GPHN: variants seen among roughly 807,000 people sequenced by gnomAD.
GPHN encodes gephyrin.
GPHN carries 17 observed loss-of-function variants against 95.5 expected under a neutral mutation model. That is an observed-to-expected ratio of 0.18 (90% confidence interval 0.12 to 0.27). The LOEUF is 0.27. GPHN is among the 10% of genes least tolerant of loss of function. The probability of loss-of-function intolerance (pLI) is 1.00; values close to 1 mark genes in which losing one functional copy is unlikely to be tolerated. For synonymous variants in GPHN, 320 were observed against 322.5 expected (o/e 0.99, Z 0.08); for missense variants, 660 against 978.1 (o/e 0.67, Z 4.34).
chr14:67,579,174 G>A, the GPHN span: 1 of 1,607,712 alleles, frequency 6.2e-7, no homozygotes, highest in Admixed American at 1.7e-5. Context: ...CCAGCGGGCA[G>A]TGGAGCGGAC....
chr14:67,344,483 C>T, the GPHN span, among the ~76,000 whole-genome samples: 17 of 152,120 alleles, frequency 1.1e-4, no homozygotes, highest in African/African-American at 3.9e-4. Flanking sequence ...TAGATATATA[C>T]TAACTGGCCA....
chr14:67,021,451 A>T (rs1375432349), intron 9 of GPHN, among the ~76,000 whole-genome samples: 2 of 152,096 alleles, frequency 1.3e-5, no homozygotes, highest in East Asian at 3.9e-4. Flanking sequence ...GTAGTTCTAA[A>T]CTGAGGTGCC....
chr14:67,587,388 T>G, the GPHN span: 1 of 816,654 alleles, frequency 1.2e-6, no homozygotes, highest in Non-Finnish European at 2.0e-6. Flanking sequence ...GCCTTTACTC[T>G]CTAGGTGCCT....
intron 1 of GPHN, among the ~76,000 whole-genome samples, chr14:66,663,040 TG>T (rs2065751472): frequency 6.6e-6 from 1 of 152,218 alleles, no homozygotes; most frequent in Non-Finnish European, 1.5e-5. Context: ...GGAACCAACT[TG>T]GAAAATATAT....
chr14:67,328,426 G>T, the GPHN span, among the ~76,000 whole-genome samples: 1 of 152,194 alleles, frequency 6.6e-6, no homozygotes, highest in Non-Finnish European at 1.5e-5. Flanking sequence ...CTCCCATTCT[G>T]TAGGTTGCCT....
the GPHN span, chr14:67,333,632 T>A: frequency 8.5e-5 from 13 of 152,758 alleles, no homozygotes; most frequent in Admixed American, 2.6e-4. Flanking sequence ...CTCAACACAC[T>A]CTAATCTACT....
chr14:66,814,480 A>C (rs1197472456), intron 3 of GPHN, among the ~76,000 whole-genome samples: 1 of 152,242 alleles, frequency 6.6e-6, no homozygotes, highest in African/African-American at 2.4e-5. Flanking sequence ...CAAAGAGGTC[A>C]AACTGGGGCC....
intron 1 of GPHN, among the ~76,000 whole-genome samples, chr14:66,553,514 C>G (rs1195995053): frequency 6.6e-6 from 1 of 151,934 alleles, no homozygotes; most frequent in Non-Finnish European, 1.5e-5. Context: ...TGGTCTTCAA[C>G]TTCACTTTTC....
At chr14:67,536,641 C>A in the GPHN span, among the ~76,000 whole-genome samples, 25 of 151,896 alleles carry the variant, frequency 1.6e-4, no homozygotes, top group African/African-American at 5.8e-4. Flanking sequence ...TAGGGAGCTA[C>A]CAGGATATTC....
At chr14:66,775,900 C>T (rs989844703) in intron 2 of GPHN, among the ~76,000 whole-genome samples, 9 of 152,114 alleles carry the variant, frequency 5.9e-5, no homozygotes, top group Non-Finnish European at 1.0e-4. Flanking sequence ...TGGGCACACA[C>T]GTCTCTCTGA....
At chr14:67,327,955 G>A in the GPHN span, among the ~76,000 whole-genome samples, 1 of 152,176 alleles carries the variant, frequency 6.6e-6, no homozygotes, top group Non-Finnish European at 1.5e-5. Context: ...GTGTGCATGT[G>A]TCTTTATAGC....
At chr14:66,793,986 G>A (rs895586627) in intron 3 of GPHN, among the ~76,000 whole-genome samples, 1 of 152,124 alleles carries the variant, frequency 6.6e-6, no homozygotes, top group Non-Finnish European at 1.5e-5. Context: ...GGCATACATT[G>A]TCAGACTGAA....
chr14:66,989,512 TTC>T (rs2071257411), intron 9 of GPHN, among the ~76,000 whole-genome samples: 1 of 152,020 alleles, frequency 6.6e-6, no homozygotes, highest in Non-Finnish European at 1.5e-5. Flanking sequence ...ATTATTTAAT[TTC>T]TTTTTTCAAC....
the GPHN span, among the ~76,000 whole-genome samples, chr14:67,213,921 G>A: frequency 6.6e-6 from 1 of 152,156 alleles, no homozygotes; most frequent in Non-Finnish European, 1.5e-5. Context: ...GCCAGTGATG[G>A]TGAGCATTTT....
At chr14:66,533,818 G>C (rs553749813) in intron 1 of GPHN, among the ~76,000 whole-genome samples, 102 of 152,270 alleles carry the variant, frequency 6.7e-4, no homozygotes, top group African/African-American at 2.3e-3. Flanking sequence ...CGCCTTAGGT[G>C]ACTATCTGGT....
intron 3 of GPHN, among the ~76,000 whole-genome samples, chr14:66,782,659 A>T (rs563437635): frequency 6.6e-6 from 1 of 152,200 alleles, no homozygotes; most frequent in East Asian, 1.9e-4. Context: ...CTCTACTAAA[A>T]ATACAAAAAT....
At chr14:67,306,385 C>T in the GPHN span, among the ~76,000 whole-genome samples, 2 of 151,946 alleles carry the variant, frequency 1.3e-5, no homozygotes, top group South Asian at 2.1e-4. Context: ...TGCTCTGTCG[C>T]CCAGGCTGGA....
At chr14:66,691,823 A>G (rs2067801292) in intron 2 of GPHN, among the ~76,000 whole-genome samples, 1 of 152,206 alleles carries the variant, frequency 6.6e-6, no homozygotes, top group Admixed American at 6.5e-5. Flanking sequence ...TCTCTGATTG[A>G]CATAGAATGG....
intron 1 of GPHN, among the ~76,000 whole-genome samples, chr14:66,572,785 T>G (rs2060748913): frequency 6.6e-6 from 1 of 152,198 alleles, no homozygotes; most frequent in Non-Finnish European, 1.5e-5. Flanking sequence ...AAGACTTCCA[T>G]TAACTACGTT....
Sources: allele counts gnomAD v4.1 joint callset (sites outside exome capture counted in the v4.1 genomes callset), GRCh38; gene constraint gnomAD v4.1.1; transcripts MANE v1.5; gene names NCBI Gene and HGNC (gene_info 2026-07-23, HGNC 2026-07-21).